The following KIF16B variants were observed in gnomAD, a reference collection of about 807,000 sequenced individuals.
KIF16B encodes kinesin family member 16B, also known as kinesin-like protein KIF16B.
KIF16B carries 98 observed loss-of-function variants against 156.3 expected under a neutral mutation model. The observed-to-expected ratio is 0.63, with a 90% CI of 0.53 to 0.74. The LOEUF is 0.74. Among genes scored for constraint, KIF16B ranks in the 30% least tolerant of loss-of-function variants. KIF16B has a pLI of 0.00. For missense variants in KIF16B, 1,421 were observed against 1,606.5 expected, an observed-to-expected ratio of 0.88 and a Z score of 1.97; for synonymous variants, 564 against 583.7, an observed-to-expected ratio of 0.97 and a Z score of 0.49.
chr20:16,571,921 A>G (rs1397508116), intron 1 of KIF16B, among the ~76,000 whole-genome samples: 1 of 152,212 alleles, frequency 6.6e-6, no homozygotes, highest in Non-Finnish European at 1.5e-5. Flanking sequence ...CACCGCGCCC[A>G]GCCTAACAAA....
intron 12 of KIF16B, among the ~76,000 whole-genome samples, chr20:16,460,934 A>T (rs143734248): frequency 6.5e-4 from 99 of 152,260 alleles, no homozygotes; most frequent in East Asian, 5.2e-3. Flanking sequence ...AAAAAAATTT[A>T]AAAAAGCAAT....
chr20:16,573,187 GGGGGCGCGACGAGGGGGC>G, intron 1 of KIF16B, 24 bp downstream of exon 1: 1 of 1,527,712 alleles, frequency 6.5e-7, no homozygotes, highest in Non-Finnish European at 8.9e-7. Context: ...TCCTCTGGGT[GGGGGCGCGACGAGGGGGC>G]GGGGCGCGGG....
chr20:16,308,478 A>C (rs1568836555), intron 25 of KIF16B, among the ~76,000 whole-genome samples: 1 of 152,250 alleles, frequency 6.6e-6, no homozygotes, highest in South Asian at 2.1e-4. Context: ...ACTCCATTCC[A>C]AACTTAGAGT....
intron 1 of KIF16B, among the ~76,000 whole-genome samples, chr20:16,533,461 T>C (rs2069833415): frequency 6.6e-6 from 1 of 152,238 alleles, no homozygotes; most frequent in Non-Finnish European, 1.5e-5. Context: ...GTACTTAATA[T>C]GACATAGTAA....
intron 12 of KIF16B, among the ~76,000 whole-genome samples, chr20:16,434,819 T>C (rs916868377): frequency 6.6e-6 from 1 of 151,958 alleles, no homozygotes. Flanking sequence ...CACTAGCGAG[T>C]AGAATTTTGT....
At chr20:16,489,828 C>G (rs542579504) in intron 12 of KIF16B, among the ~76,000 whole-genome samples, 1 of 152,072 alleles carries the variant, frequency 6.6e-6, no homozygotes. Flanking sequence ...ACCAGCTCCC[C>G]GGTGATGTTG....
At chr20:16,366,291 G>C (rs902794370) in intron 22 of KIF16B, among the ~76,000 whole-genome samples, 7 of 152,166 alleles carry the variant, frequency 4.6e-5, no homozygotes, top group Non-Finnish European at 1.0e-4. Context: ...AAGGTTATAA[G>C]TGGTGGCTGG....
chr20:16,437,518 G>A (rs2066673775), intron 12 of KIF16B, among the ~76,000 whole-genome samples: 1 of 152,194 alleles, frequency 6.6e-6, no homozygotes, highest in African/African-American at 2.4e-5. Context: ...TAGAATGGAA[G>A]TGACACCCCT....
intron 1 of KIF16B, among the ~76,000 whole-genome samples, chr20:16,571,591 C>T (rs1311291209): frequency 6.6e-6 from 1 of 152,088 alleles, no homozygotes; most frequent in African/African-American, 2.4e-5. Flanking sequence ...CAGACAGCAC[C>T]CTGAGGAATG....
chr20:16,383,259 T>G (rs894261774), intron 17 of KIF16B, among the ~76,000 whole-genome samples: 1 of 152,228 alleles, frequency 6.6e-6, no homozygotes, highest in Non-Finnish European at 1.5e-5. Context: ...TATCTCCATT[T>G]TACACACAAG....
chr20:16,544,436 C>T (rs1319959473), intron 1 of KIF16B, among the ~76,000 whole-genome samples: 1 of 152,012 alleles, frequency 6.6e-6, no homozygotes, highest in East Asian at 1.9e-4. Context: ...ACGGTGAAAC[C>T]CCGTCTCTAC....
At chr20:16,407,353 A>G (rs928734866) in intron 15 of KIF16B, among the ~76,000 whole-genome samples, 7 of 152,156 alleles carry the variant, frequency 4.6e-5, no homozygotes, top group African/African-American at 1.7e-4. Context: ...CCATCCACGT[A>G]TGAGAGTCTA....
At chr20:16,569,970 CTG>C (rs10602666) in intron 1 of KIF16B, among the ~76,000 whole-genome samples, 36,083 of 149,060 alleles carry the variant, frequency 0.24, 4,257 homozygotes, top group South Asian at 0.29. Flanking sequence ...ATAGATGAAT[CTG>C]TGTGTGTGTG....
At chr20:16,364,820 G>T (rs1258285785) in intron 22 of KIF16B, among the ~76,000 whole-genome samples, 1 of 152,174 alleles carries the variant, frequency 6.6e-6, no homozygotes, top group Non-Finnish European at 1.5e-5. Context: ...GGCCTTCTTA[G>T]ATCATAAAGC....
At chr20:16,486,260 A>G (rs1175833892) in intron 12 of KIF16B, among the ~76,000 whole-genome samples, 5 of 152,164 alleles carry the variant, frequency 3.3e-5, no homozygotes, top group Non-Finnish European at 7.3e-5. Flanking sequence ...AGATGCTCTC[A>G]ATAAACATGT....
intron 1 of KIF16B, among the ~76,000 whole-genome samples, chr20:16,543,189 A>C (rs1263195584): frequency 6.6e-6 from 1 of 152,186 alleles, no homozygotes; most frequent in African/African-American, 2.4e-5. Context: ...GGGATTCTAT[A>C]AGAATGTGAA....
At chr20:16,411,635 T>C (rs1027461066) in intron 15 of KIF16B, among the ~76,000 whole-genome samples, 1 of 152,046 alleles carries the variant, frequency 6.6e-6, no homozygotes, top group Non-Finnish European at 1.5e-5. Context: ...GCGCAGGGTA[T>C]CATGGGGAAC....
intron 22 of KIF16B, chr20:16,367,272 A>G (rs756192593): frequency 1.4e-5 from 23 of 1,612,712 alleles, no homozygotes; most frequent in Non-Finnish European, 5.1e-6. Flanking sequence ...ACAACTGGAC[A>G]TTTGGGGCTT....
intron 1 of KIF16B, among the ~76,000 whole-genome samples, chr20:16,556,351 C>T (rs2070846736): frequency 6.6e-6 from 1 of 152,216 alleles, no homozygotes. Flanking sequence ...CACTAACTGG[C>T]TACCCGGAGA....
Sources: allele counts gnomAD v4.1 joint callset (sites outside exome capture counted in the v4.1 genomes callset), GRCh38; gene constraint gnomAD v4.1.1; transcripts MANE v1.5; gene names NCBI Gene and HGNC (gene_info 2026-07-23, HGNC 2026-07-21).